GLG1: variants seen among roughly 807,000 people sequenced by gnomAD.
GLG1 encodes Golgi apparatus protein 1.
GLG1 carries 38 observed loss-of-function variants against 160.5 expected under a neutral mutation model. That is an observed-to-expected ratio of 0.24 (90% CI 0.18 to 0.31). The LOEUF (loss-of-function observed/expected upper bound fraction) is 0.31, where lower values mean the gene tolerates loss of function less well. Ranked by LOEUF, GLG1 falls within the 10% of genes least tolerant of loss-of-function variation. GLG1 has a pLI of 1.00. For synonymous variants in GLG1, 644 were observed against 543.4 expected, an observed-to-expected ratio of 1.19 and a Z score of -2.57; for missense variants, 1,373 against 1,505.2, an observed-to-expected ratio of 0.91 and a Z score of 1.45.
chr16:74,517,168 A>G (rs1476212079), intron 2 of GLG1, among the ~76,000 whole-genome samples: 2 of 152,204 alleles, frequency 1.3e-5, no homozygotes, highest in Non-Finnish European at 2.9e-5. Flanking sequence ...ATTCCAATCA[A>G]TAGAAAAAGA....
At chr16:74,479,024 G>C (rs1238048982) in intron 11 of GLG1, among the ~76,000 whole-genome samples, 2 of 107,374 alleles carry the variant, frequency 1.9e-5, no homozygotes, top group East Asian at 6.2e-4. Context: ...TGGCCAACAT[G>C]GAGAAACCCC....
intron 1 of GLG1, chr16:74,552,296 T>C (rs1205589140): frequency 1.2e-5 from 7 of 580,806 alleles, no homozygotes; most frequent in Non-Finnish European, 2.3e-5. Flanking sequence ...TGAACTCCTT[T>C]TTAAGGAGGG....
chr16:74,525,376 T>G (rs1484710536), intron 2 of GLG1, among the ~76,000 whole-genome samples: 1 of 152,160 alleles, frequency 6.6e-6, no homozygotes, highest in East Asian at 1.9e-4. Context: ...ACATTTCCTT[T>G]TTTTGTTTGC....
chr16:74,549,369 C>A (rs1317104437), intron 1 of GLG1, among the ~76,000 whole-genome samples: 2 of 152,202 alleles, frequency 1.3e-5, no homozygotes, highest in South Asian at 4.1e-4. Flanking sequence ...TCTCAGCTCA[C>A]TGTAAGCTCC....
At chr16:74,458,052 T>G in intron 23 of GLG1, 58 bp from the exon 24 acceptor site, 2 of 1,567,842 alleles carry the variant, frequency 1.3e-6, no homozygotes, top group Non-Finnish European at 1.8e-6. Flanking sequence ...ATCAGATCTG[T>G]TGTCTGTAAA....
chr16:74,511,576 T>A (rs2016804728), intron 2 of GLG1, among the ~76,000 whole-genome samples: 1 of 11,290 alleles, frequency 8.9e-5, no homozygotes. Flanking sequence ...AACTTGAACC[T>A]TTTTTTTTTA....
chr16:74,601,293 C>T (rs1342732193), intron 1 of GLG1, among the ~76,000 whole-genome samples: 1 of 151,888 alleles, frequency 6.6e-6, no homozygotes, highest in African/African-American at 2.4e-5. Context: ...AGAAACCGTA[C>T]TGTAGGGGCA....
chr16:74,574,883 CAAAAAAAAAAAAAAAAA>C (rs531720341), intron 1 of GLG1, among the ~76,000 whole-genome samples: 2 of 24,792 alleles, frequency 8.1e-5, no homozygotes, highest in South Asian at 3.6e-3. Context: ...GACTCTGTCT[CAAAAAAAAAAAAAAAAA>C]AAAAAAAAAA....
chr16:74,540,319 G>A (rs1597326160), intron 1 of GLG1, among the ~76,000 whole-genome samples: 2 of 148,258 alleles, frequency 1.3e-5, no homozygotes, highest in South Asian at 2.1e-4. Context: ...TTTATAAAAT[G>A]TAAATTACAA....
rs1390711955 is a variant in GLG1 at position 74,453,089 on chromosome 16, G to A, written c.*78C>T. 3 of 1,555,666 alleles carry A rather than the reference G, an allele frequency of 1.9e-6. No individual in the cohort carries two copies. Among genetic ancestry groups the A allele is most frequent in the Non-Finnish European group, 2.6e-6 (3 of 1,151,338 alleles). ...TTGGTGTCACTTCTGAGAAGAGCGA[G>A]GTGAGTGGGGATGCTATACAAGAGG... On this transcript the variant is annotated 3_prime_UTR_variant, in exon 26 of 26. Coordinates refer to ENST00000422840, the MANE Select transcript of GLG1 (RefSeq NM_001145667.2).
Position 74,503,707 on chromosome 16 carries a change from T to C in GLG1, c.598A>G (p.Met200Val), listed in dbSNP as rs751161671. The stretch of plus-strand genomic sequence containing the variant: ...CGGTGATCCACCAAGCAGGAAACCA[T>C]GTAACCTTTTCCAACCGGTTCATCA... ...CADEPVGKGYMVSCLVDHRGN... is the reference protein window; with the variant it reads ...CADEPVGKGYVVSCLVDHRGN... Residue 200 changes from methionine to valine, a missense_variant, in exon 4 of 26, where the codon ATG becomes GTG. Physicochemically the swap from Met to Val is conservative, Grantham distance 21. Coordinates refer to ENST00000422840, the MANE Select transcript of GLG1 (RefSeq NM_001145667.2). 7 of 1,613,244 alleles carry C rather than the reference T, an allele frequency of 4.3e-6. No individual in the cohort carries two copies. In the Admixed American group the frequency reaches 8.3e-5, roughly 19 times the overall value.
In GLG1 at chr16:74,451,593, G is replaced by T; in HGVS notation, c.*1574C>A. 5.7e-6 allele frequency: 1 copy of T among 174,242 alleles called. No homozygotes were observed. Among genetic ancestry groups the T allele is most frequent in the East Asian group, 1.5e-4 (1 of 6,822 alleles). 10.8% of individuals were successfully genotyped at this position (174,242 alleles called of 1,614,324 possible). A position where few individuals can be genotyped will look rare whatever the true frequency, so the allele number is the denominator to read the frequency against. The stretch of plus-strand genomic sequence containing the variant: ...TGGGGGGCGCCGAGGGCAGGCCTTG[G>T]TCTACATGGACAGTTTTAGGCACGT... On this transcript the variant is annotated 3_prime_UTR_variant, in exon 26 of 26. Coordinates refer to ENST00000422840, the MANE Select transcript of GLG1 (RefSeq NM_001145667.2).
intron 3 of GLG1, among the ~76,000 whole-genome samples, chr16:74,506,081 ATTTTTT>A (rs71376213): frequency 1.1e-4 from 11 of 101,918 alleles, no homozygotes; most frequent in African/African-American, 4.2e-4. Flanking sequence ...CCTGGAAAAG[ATTTTTT>A]TTTTTTTTTT....
At chr16:74,574,945 T>G (rs1204041211) in intron 1 of GLG1, among the ~76,000 whole-genome samples, 1 of 72,360 alleles carries the variant, frequency 1.4e-5, no homozygotes, top group Non-Finnish European at 2.4e-5. Flanking sequence ...GAGGAATCCA[T>G]ATAAAGAACA....
chr16:74,522,778 G>A (rs1222423399), intron 2 of GLG1, among the ~76,000 whole-genome samples: 1 of 152,124 alleles, frequency 6.6e-6, no homozygotes, highest in African/African-American at 2.4e-5. Flanking sequence ...GAAGCTCCTG[G>A]GCTCAAGCGA....
At chr16:74,491,679 C>A (rs1429708345) in intron 7 of GLG1, among the ~76,000 whole-genome samples, 4 of 31,428 alleles carry the variant, frequency 1.3e-4, no homozygotes, top group Non-Finnish European at 2.6e-4. Context: ...CACTGTGTCA[C>A]CCAGGCTGGA....
At chr16:74,479,857 A>C (rs902592711) in intron 11 of GLG1, among the ~76,000 whole-genome samples, 1 of 152,186 alleles carries the variant, frequency 6.6e-6, no homozygotes, top group Non-Finnish European at 1.5e-5. Context: ...AGACAATGCA[A>C]ATGTGTTCAG....
rs531659916 is a variant in GLG1, at chr16:74,457,789, A to C, written c.3265+85T>G. On this transcript the variant is annotated intron_variant, in intron 24 of 25. Transcript: ENST00000422840. ...TACAACTACAGACCATACAGACCAC[A>C]GTAGCTGCAACTGATGTCTAAGAGG... The C allele has an allele frequency of 3.4e-4, 444 of 1,302,908 alleles. No individual in the cohort carries two copies. In the African/African-American group the frequency reaches 3.6e-3, roughly 10 times the overall value. 80.7% of individuals were successfully genotyped at this position (1,302,908 alleles called of 1,614,324 possible).
intron 24 of GLG1, 25 bp from the exon 25 acceptor site, chr16:74,456,780 A>T: frequency 7.5e-7 from 1 of 1,332,418 alleles, no homozygotes; most frequent in Non-Finnish European, 1.1e-6. Context: ...GAATAATAAG[A>T]AGAACCTGAA....
Sources: gnomAD v4.1 joint callset for allele counts (sites outside exome capture counted in the v4.1 genomes callset) on GRCh38, gnomAD v4.1.1 for gene constraint, MANE v1.5 for transcripts, NCBI Gene and HGNC (gene_info 2026-07-23, HGNC 2026-07-21) for gene names.